PEAR1: variants seen among roughly 807,000 people sequenced by gnomAD.
The protein encoded by PEAR1 is platelet endothelial aggregation receptor 1, also known as multiple EGF-like domains protein 12.
PEAR1 carries 113 observed loss-of-function variants against 131.2 expected under a neutral mutation model. That is an observed-to-expected ratio of 0.86 (90% CI 0.74 to 1.01). The LOEUF is 1.01. Among genes scored for constraint, PEAR1 ranks in the 50% least tolerant of loss-of-function variants. PEAR1 has a pLI of 0.00. For synonymous variants in PEAR1, 565 were observed against 523.3 expected (o/e 1.08, Z -1.09); for missense variants, 1,408 against 1,391.1 (o/e 1.01, Z -0.19).
At position 156,916,405 on chromosome 1, in the gene PEAR1, T is replaced by TG. The variant is rs1472235343; in HGVS notation, c.*1607_*1608insG. 1 of 152,300 alleles carries TG rather than the reference T, an allele frequency of 6.6e-6. No individual in the cohort carries two copies. The highest frequency in any genetic ancestry group is 1.5e-5 in the Non-Finnish European group (1 of 68,092). The allele number at this position is 152,300 out of a possible 1,614,324, so 9.4% of individuals were successfully genotyped here. A position where few individuals can be genotyped will look rare whatever the true frequency, so the allele number is the denominator to read the frequency against. On this transcript the variant is annotated 3_prime_UTR_variant, in exon 23 of 23. Transcript: ENST00000292357. The stretch of plus-strand genomic sequence containing the variant: ...CGGGGCGCCATGAACCGCACCCATA[T>TG]AACACGGTAAACTTAATCAGCAAAC...
In PEAR1 at chr1:156,908,005, C is replaced by A. The variant is rs77235035; in HGVS notation, c.856C>A (p.Arg286=). Residue 286 remains arginine, a synonymous_variant, in exon 8 of 23, where the codon CGA becomes AGA. Coordinates refer to ENST00000292357, the MANE Select transcript of PEAR1 (RefSeq NM_001080471.3). This position sits in a 1 kb window ranked among gnomAD's most constrained non-coding sequence, Gnocchi z 4.2. ...CRCHNGGLCD[R]FTGQCRCAPG... is the part of the protein sequence containing the mutation. ...CTGCCACAACGGCGGCCTCTGTGAC[C>A]GATTCACTGGGCAGTGCCGCTGCGC... The A allele has an allele frequency of 0.15, 229,830 of 1,572,552 alleles. 19,496 individuals are homozygous for A. The highest frequency in any genetic ancestry group is 0.41 in the East Asian group (17,652 of 42,688).
At position 156,902,581 on chromosome 1, in the gene PEAR1, G is replaced by A. The variant is rs1004423360; in HGVS notation, c.-9-1337G>A. On this transcript the variant is annotated intron_variant, in intron 1 of 22. Transcript: ENST00000292357. The surrounding 1 kb of genome is among the most constrained non-coding windows in gnomAD (Gnocchi z 4.3). ...TCTTGGGGCTGAGAGTGGCTTTGGG[G>A]ACCCTGGGAGTGTGTGGGTGTGGGG... Among the ~76,000 whole-genome samples, 2 of 152,124 alleles carry A rather than the reference G, an allele frequency of 1.3e-5. No individual in the cohort carries two copies. Among genetic ancestry groups the A allele is most frequent in the African/African-American group, 4.8e-5 (2 of 41,412 alleles).
Position 156,908,609 on chromosome 1 carries a change from C to T in PEAR1, c.1116-46C>T. 6.8e-7 allele frequency: 1 copy of T among 1,468,554 alleles called. No homozygotes were observed. Among genetic ancestry groups the T allele is most frequent in the South Asian group, 1.3e-5 (1 of 74,186 alleles). The allele number at this position is 1,468,554 out of a possible 1,614,324, so 91.0% of individuals were successfully genotyped here. A position where few individuals can be genotyped will look rare whatever the true frequency, so the allele number is the denominator to read the frequency against. On this transcript the variant is annotated intron_variant, in intron 9 of 22. Coordinates refer to ENST00000292357, the MANE Select transcript of PEAR1 (RefSeq NM_001080471.3). This position sits in a 1 kb window ranked among gnomAD's most constrained non-coding sequence, Gnocchi z 4.2. ...GCGGAGGGGTCGGGAAGCTGCCCTG[C>T]CCCTGCCCAGCTCAGACCGCGCCAC...
chr1:156,907,043 C>A (rs2102995451), intron 6 of PEAR1, among the ~76,000 whole-genome samples, 163 bp downstream of exon 6: 1 of 152,338 alleles, frequency 6.6e-6, no homozygotes, highest in African/African-American at 2.4e-5. Flanking sequence ...GTGGAGTGAC[C>A]TTGAGCAAAT....
At chr1:156,897,008 G>A (rs1404149784) in intron 1 of PEAR1, among the ~76,000 whole-genome samples, 4 of 152,206 alleles carry the variant, frequency 2.6e-5, no homozygotes, top group Non-Finnish European at 5.9e-5. Context: ...TCTGGAGTAC[G>A]GGGAGAAGCC....
intron 4 of PEAR1, among the ~76,000 whole-genome samples, chr1:156,906,000 C>T (rs915526173): frequency 6.6e-6 from 1 of 152,168 alleles, no homozygotes; most frequent in Non-Finnish European, 1.5e-5. Context: ...GGACAGTGTC[C>T]ATGTTCAGTC....
rs1485462833 is a variant in PEAR1, at chr1:156,908,264, G to T, written c.1039G>T (p.Asp347Tyr). 6.3e-7 allele frequency: 1 copy of T among 1,592,654 alleles called. No individual in the cohort carries two copies. Among genetic ancestry groups the T allele is most frequent in the Non-Finnish European group, 8.5e-7 (1 of 1,174,196 alleles). ...EHGFTGDRCT[D>Y]RLCPDGFYGL... ...CGGCTTCACTGGGGACCGCTGCACG[G>T]ATCGCCTCTGCCCCGACGGCTTCTA... Residue 347 changes from aspartate (D) to tyrosine (Y), a missense_variant, in exon 9 of 23, where the codon GAT becomes TAT. Transcript: ENST00000292357. The surrounding 1 kb of genome is among the most constrained non-coding windows in gnomAD (Gnocchi z 4.2).
Position 156,910,341 on chromosome 1 carries a change from G to C in PEAR1, c.1786G>C (p.Val596Leu). The change falls in exon 14 of 23, where the codon GTG (valine) becomes CTG (leucine). Residue 596 changes from valine to leucine, a missense_variant. By Grantham distance (32) the Val-to-Leu change is conservative. Transcript: ENST00000292357. Reference sequence around the variant, plus strand: ...CTGTCTCCCTGAGAATGGCAACTGCGTGTGTGCACCCGGATTCCGGGGCCC... The same window carrying C: ...CTGTCTCCCTGAGAATGGCAACTGCCTGTGTGCACCCGGATTCCGGGGCCC... The part of the protein sequence containing the change: ...GTCLPENGNC[V>L]CAPGFRGPSC... The C allele has an allele frequency of 6.2e-7, 1 of 1,610,898 alleles. No individual in the cohort carries two copies. Among genetic ancestry groups the C allele is most frequent in the Non-Finnish European group, 8.5e-7 (1 of 1,178,378 alleles).
chr1:156,912,969 G>C lies in PEAR1; in HGVS notation c.2409G>C (p.Glu803Asp). The C allele has an allele frequency of 1.2e-6, 2 of 1,614,148 alleles. No homozygotes were observed. Among genetic ancestry groups the C allele is most frequent in the Non-Finnish European group, 1.7e-6 (2 of 1,180,046 alleles). ...GCAGCGGGCGCCTGGACGGCTCCGAGTATGTCATGCCAGGTGAGCTGGCAC... is the reference window on the plus strand; with the variant it reads ...GCAGCGGGCGCCTGGACGGCTCCGACTATGTCATGCCAGGTGAGCTGGCAC... The part of the protein sequence containing the change: ...AYSSGRLDGS[E>D]YVMPDVPPSY... The change falls in exon 18 of 23, where the codon GAG (glutamate) becomes GAC (aspartate). Residue 803 changes from glutamate to aspartate, a missense_variant. Glu to Asp is a conservative substitution (Grantham distance 45). Transcript: ENST00000292357.
chr1:156,912,192 T>C lies in PEAR1; in HGVS notation c.1952-55T>C, dbSNP rs1316419584. On this transcript the variant is annotated intron_variant, in intron 15 of 22. Coordinates refer to ENST00000292357, the MANE Select transcript of PEAR1 (RefSeq NM_001080471.3). Reference sequence around the variant, plus strand: ...CTTCAGTGATGCTGGGGGCTGAGAGTTCATCCAGGAAAAGCTGTACCTGCC... The same window carrying C: ...CTTCAGTGATGCTGGGGGCTGAGAGCTCATCCAGGAAAAGCTGTACCTGCC... The C allele has an allele frequency of 3.9e-6, 6 of 1,553,442 alleles. No homozygotes were observed. The East Asian group carries it at 6.8e-5, about 18-fold the overall frequency.
Position 156,910,614 on chromosome 1 carries a change from C to G in PEAR1, c.1826-4C>G. ...CCCAATCACCATGTACCCCTTTCCCCCAGCCTGTCAGCCTGGCCGCTATGG... is the reference window on the plus strand; with the variant it reads ...CCCAATCACCATGTACCCCTTTCCCGCAGCCTGTCAGCCTGGCCGCTATGG... On this transcript the variant is annotated splice_region_variant and splice_polypyrimidine_tract_variant and intron_variant, in intron 14 of 22. Coordinates refer to ENST00000292357, the MANE Select transcript of PEAR1 (RefSeq NM_001080471.3). 1 of 1,613,722 alleles carries G rather than the reference C, an allele frequency of 6.2e-7. No homozygotes were observed. The highest frequency in any genetic ancestry group is 8.5e-7 in the Non-Finnish European group (1 of 1,179,890).
At chr1:156,905,100 G>A (rs1167358062) in intron 3 of PEAR1, 3 of 1,337,534 alleles carry the variant, frequency 2.2e-6, no homozygotes, top group Non-Finnish European at 3.1e-6. Context: ...GGGCAAGAAG[G>A]GAATGCTCTT....
intron 1 of PEAR1, among the ~76,000 whole-genome samples, chr1:156,894,954 GGCCTGTT>G: frequency 6.6e-6 from 1 of 152,208 alleles, no homozygotes. Flanking sequence ...CATGGTATAG[GGCCTGTT>G]GTGTGTGCTT....
intron 1 of PEAR1, among the ~76,000 whole-genome samples, chr1:156,898,321 G>A (rs1040211819): frequency 2.6e-5 from 4 of 152,182 alleles, no homozygotes; most frequent in Non-Finnish European, 5.9e-5. Flanking sequence ...TCTAGCTTCT[G>A]TTTCCTGAGC....
At position 156,912,255 on chromosome 1, in the gene PEAR1, C is replaced by G; in HGVS notation, c.1960C>G (p.Pro654Ala). The G allele has an allele frequency of 1.9e-6, 3 of 1,613,146 alleles. No individual in the cohort carries two copies. The highest frequency in any genetic ancestry group is 1.1e-5 in the South Asian group (1 of 90,982). The stretch of plus-strand genomic sequence containing the variant: ...CCCCATGTCTCCCGTAGCATGCCCT[C>G]CAGGACACTGGGGAGAAAACTGTGC... Reference protein sequence around the residue: ...TGPDCSQPCPPGHWGENCAQT... With the variant: ...TGPDCSQPCPAGHWGENCAQT... Residue 654 changes from proline (P) to alanine (A), a missense_variant, in exon 16 of 23, where the codon CCA (proline) becomes GCA (alanine). Transcript: ENST00000292357.
intron 2 of PEAR1, 97 bp downstream of exon 2, chr1:156,904,124 T>A (rs1649969965): frequency 1.1e-6 from 1 of 919,694 alleles, no homozygotes; most frequent in African/African-American, 1.6e-5. Flanking sequence ...CCTTCCTTAA[T>A]CTCCTTCCTT....
intron 1 of PEAR1, among the ~76,000 whole-genome samples, chr1:156,894,410 A>C (rs1648953964): frequency 6.6e-6 from 1 of 152,202 alleles, no homozygotes; most frequent in Non-Finnish European, 1.5e-5. Flanking sequence ...TCCTGCTTTG[A>C]ATGACGCTAG....
At chr1:156,898,502 C>T (rs1431875696) in intron 1 of PEAR1, among the ~76,000 whole-genome samples, 1 of 152,182 alleles carries the variant, frequency 6.6e-6, no homozygotes, top group East Asian at 1.9e-4. Flanking sequence ...AGTGTGCAAG[C>T]GTGTACATGG....
At chr1:156,900,652 G>A (rs981969816) in intron 1 of PEAR1, among the ~76,000 whole-genome samples, 7 of 152,174 alleles carry the variant, frequency 4.6e-5, no homozygotes, top group Non-Finnish European at 8.8e-5. Context: ...AACGATACGT[G>A]GGGTCACCTT....
Sources: allele counts gnomAD v4.1 joint callset (sites outside exome capture counted in the v4.1 genomes callset), GRCh38; gene constraint gnomAD v4.1.1; non-coding constraint Gnocchi (gnomAD v3.1); transcripts MANE v1.5; gene names NCBI Gene and HGNC (gene_info 2026-07-23, HGNC 2026-07-21).